Variants in PTPRK observed in about 807,000 individuals in gnomAD.
PTPRK encodes receptor-type tyrosine-protein phosphatase kappa.
PTPRK carries 75 observed loss-of-function variants against 178.0 expected under a neutral mutation model. The ratio of observed to expected loss-of-function variants is 0.42; its 90% CI spans 0.35 to 0.51. The LOEUF (loss-of-function observed/expected upper bound fraction) is 0.51. Among genes scored for constraint, PTPRK ranks in the 20% least tolerant of loss-of-function variants. The pLI is 0.02. For synonymous variants in PTPRK, 637 were observed against 620.6 expected (o/e 1.03, Z -0.39); for missense variants, 1,441 against 1,797.8 (o/e 0.80, Z 3.59).
At position 128,020,418 on chromosome 6, in the gene PTPRK, G is replaced by C. The variant is rs1773325573; in HGVS notation, c.2195-11150C>G. On this transcript the variant is annotated intron_variant, in intron 13 of 29. Coordinates refer to ENST00000368226, the MANE Select transcript of PTPRK (RefSeq NM_002844.4). ...AAATGTGGATATATGGAGACGTTGGGGGAAAAAGCTTCATGATAATGTCAG... is the reference window on the plus strand; with the variant it reads ...AAATGTGGATATATGGAGACGTTGGCGGAAAAAGCTTCATGATAATGTCAG... 2.6e-5 allele frequency among the ~76,000 whole-genome samples: 4 copies of C among 152,094 alleles called. No individual in the cohort carries two copies. In the South Asian group the frequency reaches 8.3e-4, roughly 32 times the overall value.
intron 2 of PTPRK, among the ~76,000 whole-genome samples, chr6:128,344,186 T>C (rs954203912): frequency 2.6e-5 from 4 of 152,118 alleles, no homozygotes; most frequent in Admixed American, 1.3e-4. Flanking sequence ...CTCACATGGA[T>C]TCTCTATTCT....
chr6:128,451,480 T>C (rs1847787731), intron 1 of PTPRK, among the ~76,000 whole-genome samples: 1 of 152,122 alleles, frequency 6.6e-6, no homozygotes, highest in Non-Finnish European at 1.5e-5. Flanking sequence ...TCCAACCACA[T>C]ATTTGTGTGG....
chr6:128,427,168 A>T (rs1466499466), intron 1 of PTPRK, among the ~76,000 whole-genome samples: 1 of 152,230 alleles, frequency 6.6e-6, no homozygotes, highest in Non-Finnish European at 1.5e-5. Context: ...TGCGCCAGAG[A>T]GTGCTTATGT....
chr6:128,492,091 G>A (rs745718081), intron 1 of PTPRK, among the ~76,000 whole-genome samples: 2 of 152,022 alleles, frequency 1.3e-5, no homozygotes, highest in South Asian at 2.1e-4. Flanking sequence ...AACACCCAAG[G>A]GTTTCATGAT....
At chr6:128,270,322 T>C (rs1485528963) in intron 3 of PTPRK, among the ~76,000 whole-genome samples, 1 of 152,128 alleles carries the variant, frequency 6.6e-6, no homozygotes, top group Non-Finnish European at 1.5e-5. Context: ...TTAGAAAGTA[T>C]CTAAAATGGA....
chr6:128,374,942 A>G (rs1231674153), intron 2 of PTPRK, among the ~76,000 whole-genome samples: 1 of 152,004 alleles, frequency 6.6e-6, no homozygotes, highest in Non-Finnish European at 1.5e-5. Context: ...TCCTAGTTCA[A>G]GGACTTTCCA....
intron 3 of PTPRK, among the ~76,000 whole-genome samples, chr6:128,311,525 G>A (rs975265053): frequency 2.0e-5 from 3 of 152,108 alleles, no homozygotes; most frequent in African/African-American, 2.4e-5. Flanking sequence ...GGGCCAGAGA[G>A]AGCAGTATGG....
At chr6:128,501,918 C>A (rs1855615771) in intron 1 of PTPRK, among the ~76,000 whole-genome samples, 2 of 152,130 alleles carry the variant, frequency 1.3e-5, no homozygotes, top group African/African-American at 2.4e-5. Flanking sequence ...CACATACATA[C>A]ACCCAAAATT....
At position 128,068,290 on chromosome 6, in the gene PTPRK, C is replaced by T. The variant is rs114593920; in HGVS notation, c.1884-498G>A. ...GACAGAATGTACTGACAGGCTTCTC[C>T]ACCTCTTGACCTTGCCATGGCATCT... is the stretch of plus-strand genomic sequence containing the variant. On this transcript the variant is annotated intron_variant, in intron 11 of 29. Transcript: ENST00000368226. Among the ~76,000 whole-genome samples, 621 of 152,040 alleles carry T rather than the reference C, an allele frequency of 4.1e-3. 6 individuals are homozygous for T. The highest frequency in any genetic ancestry group is 0.014 in the African/African-American group (590 of 41,452).
intron 6 of PTPRK, among the ~76,000 whole-genome samples, chr6:128,210,966 A>T (rs1808045158): frequency 6.6e-6 from 1 of 152,154 alleles, no homozygotes; most frequent in South Asian, 2.1e-4. Context: ...ATAAAGAAAA[A>T]CAACAAAATA....
chr6:128,169,950 G>T (rs1800003252), intron 7 of PTPRK, among the ~76,000 whole-genome samples: 1 of 151,716 alleles, frequency 6.6e-6, no homozygotes, highest in Non-Finnish European at 1.5e-5. Flanking sequence ...ATAAATTAAT[G>T]GTGACAAAAT....
rs1363995403 is a variant in PTPRK, at chr6:128,239,373, CAGAT to C, written c.693+658_693+661del. On this transcript the variant is annotated intron_variant, in intron 5 of 29. Transcript: ENST00000368226. ...CCAGCCCCTAGCACCCTAGCACTGA[CAGAT>C]AGACTTTCTATAAATTCTCTGAAGG... Among the ~76,000 whole-genome samples, 6 of 152,176 alleles carry C rather than the reference CAGAT, an allele frequency of 3.9e-5. No homozygotes were observed. In the East Asian group the frequency reaches 1.2e-3, roughly 29 times the overall value.
At chr6:128,036,706 AT>A (rs1465502844) in intron 13 of PTPRK, among the ~76,000 whole-genome samples, 4 of 152,052 alleles carry the variant, frequency 2.6e-5, no homozygotes, top group Non-Finnish European at 5.9e-5. Context: ...CATTTTGAAA[AT>A]AAACGAACTG....
intron 13 of PTPRK, among the ~76,000 whole-genome samples, chr6:128,019,515 T>C (rs1773144335): frequency 6.7e-6 from 1 of 148,192 alleles, no homozygotes; most frequent in Admixed American, 6.8e-5. Context: ...GGGAGGGTTC[T>C]GAGAGGAAGC....
rs1254679134 is a variant in PTPRK, at chr6:128,194,066, ATTAT to A, written c.869-9345_869-9342del. Among the ~76,000 whole-genome samples the A allele has an allele frequency of 3.9e-3, 308 of 79,336 alleles. 1 individual carries two copies. The highest frequency in any genetic ancestry group is 0.033 in the Middle Eastern group (5 of 150). The allele number at this position is 79,336 out of a possible 152,430, so 52.0% of individuals were successfully genotyped here. On this transcript the variant is annotated intron_variant, in intron 6 of 29. Coordinates refer to ENST00000368226, the MANE Select transcript of PTPRK (RefSeq NM_002844.4). The stretch of plus-strand genomic sequence containing the variant: ...AAATCGCAATAATATTTATATATAT[ATTAT>A]TATTATTATTATTATTATTATTATT...
intron 7 of PTPRK, among the ~76,000 whole-genome samples, chr6:128,139,663 A>T (rs78676544): frequency 0.03 from 4,538 of 152,084 alleles, 168 homozygotes; most frequent in African/African-American, 0.073. Flanking sequence ...CTGAATGTAC[A>T]AACATATCTA....
chr6:128,343,527 A>G (rs1310324335), intron 2 of PTPRK, among the ~76,000 whole-genome samples: 1 of 151,790 alleles, frequency 6.6e-6, no homozygotes, highest in Admixed American at 6.6e-5. Flanking sequence ...AAAAGAAAAA[A>G]GAATCAATAT....
At position 128,130,299 on chromosome 6, in the gene PTPRK, A is replaced by C. The variant is rs1266100614; in HGVS notation, c.1163-40307T>G. On this transcript the variant is annotated intron_variant, in intron 7 of 29. Coordinates refer to ENST00000368226, the MANE Select transcript of PTPRK (RefSeq NM_002844.4). ...TCTCAAAGGATAGGCTCTCAATAAT[A>C]ACTCTTGCAATGAACAGAAAGCCTG... Among the ~76,000 whole-genome samples, 3 of 152,194 alleles carry C rather than the reference A, an allele frequency of 2.0e-5. No individual in the cohort carries two copies. In the East Asian group the frequency reaches 5.8e-4, roughly 29 times the overall value.
intron 7 of PTPRK, among the ~76,000 whole-genome samples, chr6:128,164,108 C>T (rs1045494187): frequency 4.0e-5 from 6 of 151,456 alleles, no homozygotes; most frequent in African/African-American, 1.4e-4. Flanking sequence ...CCAGCACCAA[C>T]TCTAATTACG....
Sources: gnomAD v4.1 joint callset for allele counts (sites outside exome capture counted in the v4.1 genomes callset) on GRCh38, gnomAD v4.1.1 for gene constraint, MANE v1.5 for transcripts, NCBI Gene and HGNC (gene_info 2026-07-23, HGNC 2026-07-21) for gene names.